Variants in PXDN observed in about 807,000 individuals in gnomAD.
PXDN encodes the protein peroxidasin, also known as peroxidasin homolog.
Under a neutral mutation model 140.3 loss-of-function variants are expected in PXDN, and 77 were observed. That is an observed-to-expected ratio of 0.55 (90% CI 0.46 to 0.66). The LOEUF is 0.66. Ranked by LOEUF, PXDN falls within the 30% of genes least tolerant of loss-of-function variation. The pLI, the probability that PXDN is intolerant of heterozygous loss-of-function variation, is 0.00. For synonymous variants in PXDN, 911 were observed against 857.4 expected (o/e 1.06, Z -1.09); for missense variants, 1,838 against 2,039.5 (o/e 0.90, Z 1.90).
At chr2:1,694,458 C>A (rs1358373092) in intron 1 of PXDN, among the ~76,000 whole-genome samples, 4 of 152,198 alleles carry the variant, frequency 2.6e-5, no homozygotes, top group Admixed American at 6.5e-5. Flanking sequence ...CCTCCCAGCG[C>A]CGCCCCTGTG....
At chr2:1,739,439 T>C (rs998912371) in intron 1 of PXDN, among the ~76,000 whole-genome samples, 10 of 152,166 alleles carry the variant, frequency 6.6e-5, no homozygotes, top group Admixed American at 6.5e-4. Flanking sequence ...AGGATATGCT[T>C]TCTTTTTACA....
In PXDN at chr2:1,654,511, A is replaced by G; in HGVS notation, c.1838-3T>C. On this transcript the variant is annotated splice_region_variant and splice_polypyrimidine_tract_variant and intron_variant, in intron 14 of 22. Transcript: ENST00000252804. ...TCCATTTCGACTGACGTCAGGAACT[A>G]GGAAAATACAAAGTCGCGTATTACC... 1 of 1,605,614 alleles carries G rather than the reference A, an allele frequency of 6.2e-7. No homozygotes were observed. The highest frequency in any genetic ancestry group is 8.5e-7 in the Non-Finnish European group (1 of 1,172,378).
chr2:1,697,004 A>C (rs2125454175), intron 1 of PXDN, among the ~76,000 whole-genome samples: 1 of 152,290 alleles, frequency 6.6e-6, no homozygotes, highest in East Asian at 1.9e-4. Context: ...CTCACTTGCG[A>C]GATTCTAGAG....
intron 1 of PXDN, among the ~76,000 whole-genome samples, chr2:1,710,810 TCCACCAGC>T (rs1444712673): frequency 2.0e-4 from 10 of 49,468 alleles, no homozygotes; most frequent in East Asian, 1.3e-3. Flanking sequence ...CAGCACCCAC[TCCACCAGC>T]ACCCACTCTC....
In PXDN at chr2:1,649,693, G is replaced by C; in HGVS notation, c.2105-18C>G. ...GTGGTAACCTGGGACGTGGAGAAAA[G>C]CAAGACGCACTCAATTCCCCTGGAG... On this transcript the variant is annotated intron_variant, in intron 16 of 22. Transcript: ENST00000252804. The surrounding 1 kb of genome is among the most constrained non-coding windows in gnomAD (Gnocchi z 7.1). 6.2e-7 allele frequency: 1 copy of C among 1,613,092 alleles called. No homozygotes were observed. Among genetic ancestry groups the C allele is most frequent in the Middle Eastern group, 1.7e-4 (1 of 6,060 alleles).
In PXDN at chr2:1,687,794, G is replaced by T; in HGVS notation, c.345-91C>A. ...AGAATTAAATTGACACATGGAGACA[G>T]TTTTACAATTAATGACTGTATTAGA... On this transcript the variant is annotated intron_variant, in intron 3 of 22. Transcript: ENST00000252804. This position sits in a 1 kb window ranked among gnomAD's most constrained non-coding sequence, Gnocchi z 4.0. 2 of 968,852 alleles carry T rather than the reference G, an allele frequency of 2.1e-6. No homozygotes were observed. The highest frequency in any genetic ancestry group is 1.6e-5 in the South Asian group (1 of 62,170). The allele number at this position is 968,852 out of a possible 1,614,324, so 60.0% of individuals were successfully genotyped here.
intron 1 of PXDN, among the ~76,000 whole-genome samples, chr2:1,722,812 G>GCA (rs1685085159): frequency 6.6e-6 from 1 of 152,246 alleles, no homozygotes; most frequent in Non-Finnish European, 1.5e-5. Context: ...GTGTTGCAGG[G>GCA]CACGGTGTGC....
At position 1,663,802 on chromosome 2, in the gene PXDN, G is replaced by A. The variant is rs779368708; in HGVS notation, c.1409-39C>T. On this transcript the variant is annotated intron_variant, in intron 11 of 22. Transcript: ENST00000252804. ...GGCCCGTTACACTGGACACTCGGAC[G>A]CATGGAGAACTCCTGCTCTCAGACT... 18 of 1,597,436 alleles carry A rather than the reference G, an allele frequency of 1.1e-5. 1 individual carries two copies. In the East Asian group the frequency reaches 2.2e-4, roughly 20 times the overall value.
intron 21 of PXDN, chr2:1,635,819 T>C: frequency 2.5e-6 from 1 of 405,364 alleles, no homozygotes; most frequent in Middle Eastern, 7.9e-4. Flanking sequence ...GAGAACGTCC[T>C]GCACCTACAC....
chr2:1,692,821 C>A (rs1019644163), intron 2 of PXDN, among the ~76,000 whole-genome samples: 1 of 152,168 alleles, frequency 6.6e-6, no homozygotes, highest in African/African-American at 2.4e-5. Flanking sequence ...ACAAGCTTAG[C>A]GGTCAGCATG....
intron 1 of PXDN, among the ~76,000 whole-genome samples, chr2:1,709,773 T>C (rs529854438): frequency 9.2e-5 from 14 of 152,158 alleles, no homozygotes; most frequent in Non-Finnish European, 1.9e-4. Context: ...CGTGTCCTTC[T>C]AGGAAGAGGA....
intron 7 of PXDN, 133 bp downstream of exon 7, chr2:1,680,060 G>A (rs1683851919): frequency 1.7e-6 from 2 of 1,177,412 alleles, no homozygotes; most frequent in East Asian, 2.6e-5. Context: ...CTGCGCGTGT[G>A]TCTATAAATG....
intron 1 of PXDN, among the ~76,000 whole-genome samples, chr2:1,739,848 T>C (rs558266862): frequency 6.6e-6 from 1 of 152,378 alleles, no homozygotes; most frequent in Non-Finnish European, 1.5e-5. Context: ...CTAAATGTTT[T>C]AAGTATCTCT....
chr2:1,672,260 A>C (rs985725216), intron 9 of PXDN: 1 of 152,240 alleles, frequency 6.6e-6, no homozygotes, highest in African/African-American at 2.4e-5. Flanking sequence ...AATTCAGATC[A>C]AAAGGAGTGA....
chr2:1,635,511 A>C lies in PXDN; in HGVS notation c.4217T>G (p.Leu1406Arg). The C allele has an allele frequency of 6.3e-7, 1 of 1,586,986 alleles. No homozygotes were observed. Among genetic ancestry groups the C allele is most frequent in the African/African-American group, 1.3e-5 (1 of 74,724 alleles). Residue 1406 changes from leucine (L) to arginine (R), a missense_variant, in exon 22 of 23, where the codon CTT (leucine) becomes CGT (arginine). Leu to Arg is a moderately radical substitution (Grantham distance 102). Transcript: ENST00000252804. ...ITDLRTQIKK[L>R]ESRLSTTECV... The stretch of plus-strand genomic sequence containing the variant: ...CTCTGTGGTACTGAGCCGTGATTCA[A>C]GTTTCTTTATCTGCAGCAATGCAAA...
chr2:1,744,606 G>A, upstream of PXDN: 1 of 645,436 alleles, frequency 1.5e-6, no homozygotes, highest in Non-Finnish European at 2.1e-6. Context: ...CGGCCCCTCT[G>A]AATCCCCGAG....
chr2:1,683,544 A>G (rs1683970685), intron 6 of PXDN, 112 bp downstream of exon 6: 3 of 421,794 alleles, frequency 7.1e-6, no homozygotes, highest in Admixed American at 7.4e-5. Context: ...TCATTCTTTC[A>G]GAATCAGATT....
chr2:1,663,912 TC>T, intron 11 of PXDN, 149 bp from the exon 12 acceptor site: 2 of 897,672 alleles, frequency 2.2e-6, no homozygotes, highest in Non-Finnish European at 3.4e-6. Context: ...AATCTTTGCC[TC>T]CCCAGCAGAC....
At chr2:1,635,158 C>T (rs759685104) in intron 22 of PXDN, among the ~76,000 whole-genome samples, 4 of 150,966 alleles carry the variant, frequency 2.6e-5, no homozygotes, top group Non-Finnish European at 4.4e-5. Flanking sequence ...TGGCCCTGCA[C>T]AGAGTAGGGG....
Sources: gnomAD v4.1 joint callset for allele counts (sites outside exome capture counted in the v4.1 genomes callset) on GRCh38, gnomAD v4.1.1 for gene constraint, Gnocchi (gnomAD v3.1) non-coding constraint, MANE v1.5 for transcripts, NCBI Gene and HGNC (gene_info 2026-07-23, HGNC 2026-07-21) for gene names.